PDE7B: variants seen among roughly 807,000 people sequenced by gnomAD.
PDE7B encodes the protein 3',5'-cyclic-AMP phosphodiesterase 7B.
PDE7B carries 29 observed loss-of-function variants against 56.2 expected under a neutral mutation model. The ratio of observed to expected loss-of-function variants is 0.52; its 90% CI spans 0.38 to 0.70. The LOEUF (loss-of-function observed/expected upper bound fraction) is 0.70, where lower values mean the gene tolerates loss of function less well. PDE7B is among the 30% of genes least tolerant of loss of function. The probability of loss-of-function intolerance (pLI) is 0.00; values close to 1 mark genes in which losing one functional copy is unlikely to be tolerated. For missense variants in PDE7B, 490 were observed against 565.0 expected (o/e 0.87, Z 1.35); for synonymous variants, 197 against 196.9 (o/e 1.00, Z 0.00).
intron 2 of PDE7B, among the ~76,000 whole-genome samples, chr6:136,023,239 A>G (rs1424061232): frequency 3.3e-5 from 5 of 152,140 alleles, no homozygotes; most frequent in African/African-American, 1.2e-4. Flanking sequence ...ATTAATAGTT[A>G]TAGCAGTAAC....
intron 1 of PDE7B, among the ~76,000 whole-genome samples, chr6:135,936,985 C>A (rs557988672): frequency 3.3e-5 from 5 of 152,190 alleles, no homozygotes; most frequent in Non-Finnish European, 5.9e-5. Flanking sequence ...TGAGACACTA[C>A]TAAGAAGGGA....
intron 2 of PDE7B, among the ~76,000 whole-genome samples, chr6:136,069,730 A>G (rs1777013084): frequency 6.6e-6 from 1 of 152,210 alleles, no homozygotes. Flanking sequence ...TTTGTTTTAA[A>G]TTACTGTTAA....
chr6:135,968,928 C>G (rs371663186), intron 2 of PDE7B, among the ~76,000 whole-genome samples: 1 of 152,136 alleles, frequency 6.6e-6, no homozygotes, highest in South Asian at 2.1e-4. Context: ...AAATGTGGTA[C>G]ATATACACCA....
At chr6:135,868,075 T>G (rs1775298649) in intron 1 of PDE7B, among the ~76,000 whole-genome samples, 1 of 152,236 alleles carries the variant, frequency 6.6e-6, no homozygotes, top group Non-Finnish European at 1.5e-5. Flanking sequence ...ATTCATACAA[T>G]CTTGAGTAAG....
At chr6:136,061,880 A>G (rs1349787064) in intron 2 of PDE7B, among the ~76,000 whole-genome samples, 1 of 152,242 alleles carries the variant, frequency 6.6e-6, no homozygotes, top group African/African-American at 2.4e-5. Flanking sequence ...CTAACCTCTC[A>G]GACCTCAGTC....
chr6:135,874,381 T>G (rs1375365972), intron 1 of PDE7B, among the ~76,000 whole-genome samples: 3 of 152,192 alleles, frequency 2.0e-5, no homozygotes, highest in Non-Finnish European at 4.4e-5. Flanking sequence ...TAAATTTCCC[T>G]CCAAATGCCT....
intron 2 of PDE7B, among the ~76,000 whole-genome samples, chr6:136,061,074 T>G (rs1417052455): frequency 6.6e-6 from 1 of 152,150 alleles, no homozygotes; most frequent in Non-Finnish European, 1.5e-5. Context: ...CACCCTCTTT[T>G]ATGTTACTTT....
intron 3 of PDE7B, among the ~76,000 whole-genome samples, chr6:136,147,141 C>T (rs1778426890): frequency 7.1e-6 from 1 of 140,910 alleles, no homozygotes; most frequent in African/African-American, 2.8e-5. Flanking sequence ...GACCCAGTCT[C>T]AAAAAATAAA....
chr6:136,141,646 C>T (rs980675577), intron 3 of PDE7B, among the ~76,000 whole-genome samples: 3 of 152,126 alleles, frequency 2.0e-5, no homozygotes, highest in Admixed American at 1.3e-4. Flanking sequence ...ATTTCAGATC[C>T]TGTTATTGGT....
At chr6:136,087,483 A>G (rs1172169320) in intron 2 of PDE7B, among the ~76,000 whole-genome samples, 2 of 152,254 alleles carry the variant, frequency 1.3e-5, no homozygotes, top group African/African-American at 4.8e-5. Context: ...AAGAAGAGCA[A>G]GAGACATTTT....
intron 1 of PDE7B, among the ~76,000 whole-genome samples, chr6:135,861,500 G>A (rs1775145325): frequency 6.7e-6 from 1 of 148,968 alleles, no homozygotes; most frequent in Admixed American, 6.7e-5. Context: ...TATATTTATA[G>A]GATATTATAT....
In PDE7B at chr6:135,901,958, T is replaced by C. The variant is rs60385920; in HGVS notation, c.22-45506T>C. 1.6e-3 allele frequency among the ~76,000 whole-genome samples: 241 copies of C among 152,200 alleles called. 7 individuals carry two copies. The East Asian group carries it at 0.042, about 26-fold the overall frequency. ...GTCTGACCTTGGGAGTGTTCCTGAA[T>C]CTCTAAGTTTCAGCTTCCATATCTG... On this transcript the variant is annotated intron_variant, in intron 1 of 12. Coordinates refer to ENST00000308191, the MANE Select transcript of PDE7B (RefSeq NM_018945.4).
At chr6:136,135,502 C>A (rs1297775705) in intron 3 of PDE7B, among the ~76,000 whole-genome samples, 4 of 151,916 alleles carry the variant, frequency 2.6e-5, no homozygotes, top group African/African-American at 9.6e-5. Context: ...AATATGTCCA[C>A]CCATGTGAGG....
chr6:135,853,528 T>C (rs1022729062), intron 1 of PDE7B, among the ~76,000 whole-genome samples: 2 of 152,198 alleles, frequency 1.3e-5, no homozygotes, highest in African/African-American at 4.8e-5. Flanking sequence ...TGATTGACAT[T>C]TTCTCCAATA....
At chr6:135,930,972 T>C (rs879372815) in intron 1 of PDE7B, among the ~76,000 whole-genome samples, 1 of 152,246 alleles carries the variant, frequency 6.6e-6, no homozygotes, top group Middle Eastern at 3.2e-3. Context: ...AGAAGTATTC[T>C]TGCCAACTAA....
chr6:136,114,612 C>T (rs1354651717), intron 3 of PDE7B, among the ~76,000 whole-genome samples: 1 of 152,112 alleles, frequency 6.6e-6, no homozygotes, highest in Non-Finnish European at 1.5e-5. Flanking sequence ...TTTCCTGTCA[C>T]CTATAAGAAC....
chr6:135,867,756 CT>C (rs1487605295), intron 1 of PDE7B, among the ~76,000 whole-genome samples: 1 of 152,158 alleles, frequency 6.6e-6, no homozygotes, highest in African/African-American at 2.4e-5. Context: ...TAATGTGTTA[CT>C]CCATGAATTT....
At chr6:136,156,634 C>T (rs189387695) in intron 8 of PDE7B, among the ~76,000 whole-genome samples, 3 of 152,268 alleles carry the variant, frequency 2.0e-5, no homozygotes, top group African/African-American at 7.2e-5. Flanking sequence ...GGCTATAGAT[C>T]CATGTCTTTT....
At chr6:136,020,446 A>G (rs1163654815) in intron 2 of PDE7B, among the ~76,000 whole-genome samples, 1 of 152,226 alleles carries the variant, frequency 6.6e-6, no homozygotes, top group African/African-American at 2.4e-5. Flanking sequence ...CACTTAATAC[A>G]TTGAAATATG....
Sources: gnomAD v4.1 joint callset for allele counts (sites outside exome capture counted in the v4.1 genomes callset) on GRCh38, gnomAD v4.1.1 for gene constraint, MANE v1.5 for transcripts, NCBI Gene and HGNC (gene_info 2026-07-23, HGNC 2026-07-21) for gene names.